Variants in BCL11A observed in about 807,000 individuals in gnomAD.
BCL11A encodes B cell CLL/lymphoma 11A.
In BCL11A, 2 loss-of-function variants were observed where a neutral mutation model predicts 55.9. That is an observed-to-expected ratio of 0.04 (90% confidence interval 0.01 to 0.11). The LOEUF (loss-of-function observed/expected upper bound fraction) is 0.11, where lower values mean the gene tolerates loss of function less well. Ranked by LOEUF, BCL11A falls within the 10% of genes least tolerant of loss-of-function variation. The pLI is 1.00. For synonymous variants in BCL11A, 465 were observed against 473.4 expected (o/e 0.98, Z 0.23); for missense variants, 817 against 1,137.1 (o/e 0.72, Z 4.05).
chr2:60,490,550 C>T (rs1182365033), intron 2 of BCL11A, among the ~76,000 whole-genome samples: 1 of 152,208 alleles, frequency 6.6e-6, no homozygotes, highest in Non-Finnish European at 1.5e-5. Context: ...CAATGAAGGT[C>T]TACCTAGTCA....
chr2:60,453,428 G>A (rs756985266), downstream of BCL11A, among the ~76,000 whole-genome samples: 8 of 152,208 alleles, frequency 5.3e-5, no homozygotes, highest in Non-Finnish European at 1.0e-4. Flanking sequence ...TCCAGGCCTC[G>A]TTGCCATGGC....
At chr2:60,508,300 T>C (rs1466396712) in intron 2 of BCL11A, among the ~76,000 whole-genome samples, 1 of 152,070 alleles carries the variant, frequency 6.6e-6, no homozygotes, top group Non-Finnish European at 1.5e-5. Flanking sequence ...AGGGAAGGCC[T>C]GATGTGAAAG....
intron 2 of BCL11A, among the ~76,000 whole-genome samples, chr2:60,524,237 C>T (rs1011019327): frequency 6.6e-6 from 1 of 152,204 alleles, no homozygotes. Flanking sequence ...GATACATTTG[C>T]ACAACACAAT....
intron 2 of BCL11A, among the ~76,000 whole-genome samples, chr2:60,507,675 C>T (rs541298606): frequency 6.6e-6 from 1 of 152,156 alleles, no homozygotes; most frequent in South Asian, 2.1e-4. Flanking sequence ...AAGTCGGCTA[C>T]TGCTTCTAAG....
At chr2:60,514,240 C>T (rs2104506148) in intron 2 of BCL11A, among the ~76,000 whole-genome samples, 1 of 152,262 alleles carries the variant, frequency 6.6e-6, no homozygotes, top group Middle Eastern at 3.4e-3. Context: ...AGAAGGGCCA[C>T]AACTGAACTA....
intron 3 of BCL11A, among the ~76,000 whole-genome samples, chr2:60,468,259 T>C (rs969276100): frequency 2.6e-5 from 4 of 152,148 alleles, no homozygotes; most frequent in African/African-American, 9.7e-5. Context: ...ATACAACATA[T>C]ACTATGTTCA....
chr2:60,457,521 C>G lies in BCL11A; in HGVS notation c.*2883G>C. ...CTTTCATTACAGGAATAGAAAAGGCCAATAACAAAATATTCTGCATTGCCA... is the reference window on the plus strand; with the variant it reads ...CTTTCATTACAGGAATAGAAAAGGCGAATAACAAAATATTCTGCATTGCCA... On this transcript the variant is annotated 3_prime_UTR_variant, in exon 4 of 4. Transcript: ENST00000642384. 5 of 1,046,160 alleles carry G rather than the reference C, an allele frequency of 4.8e-6. No individual in the cohort carries two copies. Among genetic ancestry groups the G allele is most frequent in the Non-Finnish European group, 5.8e-6 (5 of 866,890 alleles). 64.8% of individuals were successfully genotyped at this position (1,046,160 alleles called of 1,614,324 possible).
intron 3 of BCL11A, among the ~76,000 whole-genome samples, chr2:60,464,867 C>T (rs1676510201): frequency 6.6e-6 from 1 of 152,200 alleles, no homozygotes; most frequent in Non-Finnish European, 1.5e-5. Flanking sequence ...CTCTCTCATA[C>T]ATCAGGTCAG....
At chr2:60,487,352 C>G (rs1326602899) in intron 2 of BCL11A, among the ~76,000 whole-genome samples, 1 of 152,146 alleles carries the variant, frequency 6.6e-6, no homozygotes, top group Admixed American at 6.5e-5. Flanking sequence ...TGCCACACAC[C>G]GAGAGTGGAA....
chr2:60,540,242 T>C (rs1434434812), intron 2 of BCL11A, among the ~76,000 whole-genome samples: 1 of 152,172 alleles, frequency 6.6e-6, no homozygotes, highest in Non-Finnish European at 1.5e-5. Flanking sequence ...AATCTCATGC[T>C]AAAAAAGTGG....
At position 60,546,261 on chromosome 2, in the gene BCL11A, T is replaced by A. The variant is rs1471350226; in HGVS notation, c.95A>T (p.Asp32Val). 1.9e-6 allele frequency: 3 copies of A among 1,614,048 alleles called. No homozygotes were observed. In the African/African-American group the frequency reaches 4.0e-5, roughly 22 times the overall value. ...TTCTGGAGCTCCCAACGGGCCGTGGTCTGGTTCATCATCTGTAAGAATGGC... is the reference window on the plus strand; with the variant it reads ...TTCTGGAGCTCCCAACGGGCCGTGGACTGGTTCATCATCTGTAAGAATGGC... ...LEAILTDDEPDHGPLGAPEGD... is the reference protein window; with the variant it reads ...LEAILTDDEPVHGPLGAPEGD... Residue 32 changes from aspartate to valine, a missense_variant, in exon 2 of 4, where the codon GAC (aspartate) becomes GTC (valine). By Grantham distance (152) the Asp-to-Val change is radical (BLOSUM62 -3). Around this residue, in one of 4 missense-constraint regions of BCL11A, gnomAD observed 363 missense variants for 486.6 expected, o/e 0.75. Coordinates refer to ENST00000642384, the MANE Select transcript of BCL11A (RefSeq NM_022893.4). This position sits in a 1 kb window ranked among gnomAD's most constrained non-coding sequence, Gnocchi z 4.1.
At position 60,461,501 on chromosome 2, in the gene BCL11A, T is replaced by C. The variant is rs749590115; in HGVS notation, c.1411A>G (p.Lys471Glu). ...ATCAGGTTGGGGTCGTTCTCGCTCT[T>C]GAACTTGGCCACCACGGACTTGAGC... ...SALKSVVAKF[K>E]SENDPNLIPE... is the part of the protein sequence containing the mutation. Residue 471 changes from lysine to glutamate, a missense_variant, in exon 4 of 4, where the codon AAG (lysine) becomes GAG (glutamate). Lys to Glu is a moderately conservative substitution (Grantham distance 56, BLOSUM62 1). Transcript: ENST00000642384. 2.5e-6 allele frequency: 4 copies of C among 1,606,352 alleles called. No individual in the cohort carries two copies. Among genetic ancestry groups the C allele is most frequent in the Non-Finnish European group, 3.4e-6 (4 of 1,179,938 alleles).
intron 2 of BCL11A, among the ~76,000 whole-genome samples, chr2:60,480,073 G>A (rs1382701071): frequency 6.6e-6 from 1 of 152,170 alleles, no homozygotes; most frequent in East Asian, 1.9e-4. Flanking sequence ...AGCAAGCTGT[G>A]GACTTCCCCG....
At chr2:60,512,406 T>C (rs1680035374) in intron 2 of BCL11A, among the ~76,000 whole-genome samples, 1 of 152,184 alleles carries the variant, frequency 6.6e-6, no homozygotes, top group Non-Finnish European at 1.5e-5. Context: ...CATCTTGCTC[T>C]CAGGTATAAA....
At chr2:60,463,020 T>C (rs1676400797) in intron 3 of BCL11A, among the ~76,000 whole-genome samples, 1 of 152,252 alleles carries the variant, frequency 6.6e-6, no homozygotes, top group African/African-American at 2.4e-5. Context: ...TAATTGTTGA[T>C]ATTGTTAAAA....
intron 2 of BCL11A, among the ~76,000 whole-genome samples, chr2:60,483,791 G>C (rs1018143534): frequency 1.3e-5 from 2 of 152,122 alleles, no homozygotes; most frequent in Admixed American, 6.6e-5. Context: ...ACTAGAAGGA[G>C]GATTTCTTTT....
rs1291717699 is a variant in BCL11A at position 60,458,175 on chromosome 2, G to GA, written c.*2228dup. ...ATTCAAATACCATTCTAGAAATACA[G>GA]AAAAAAGACCATAAATGTATTTTAG... is the stretch of plus-strand genomic sequence containing the variant. On this transcript the variant is annotated 3_prime_UTR_variant, in exon 4 of 4. Coordinates refer to ENST00000642384, the MANE Select transcript of BCL11A (RefSeq NM_022893.4). 2 of 1,023,090 alleles carry GA rather than the reference G, an allele frequency of 2.0e-6. No individual in the cohort carries two copies. The highest frequency in any genetic ancestry group is 2.3e-6 in the Non-Finnish European group (2 of 852,194). 63.4% of individuals were successfully genotyped at this position (1,023,090 alleles called of 1,614,324 possible). A position where few individuals can be genotyped will look rare whatever the true frequency, so the allele number is the denominator to read the frequency against.
chr2:60,473,041 ATG>A lies in BCL11A; in HGVS notation c.386-4210_386-4209del, dbSNP rs566825047. ...TATGTGTGTTAGCGTGTGCATGCATATGTGTTTGTGAGCATGTGCATGTGTGT... is the reference window on the plus strand; with the variant it reads ...TATGTGTGTTAGCGTGTGCATGCATATGTTTGTGAGCATGTGCATGTGTGT... On this transcript the variant is annotated intron_variant, in intron 2 of 3. Transcript: ENST00000642384. 5.7e-3 allele frequency among the ~76,000 whole-genome samples: 745 copies of A among 131,082 alleles called. 3 individuals are homozygous for A. Among genetic ancestry groups the A allele is most frequent in the Middle Eastern group, 0.013 (3 of 240 alleles). 86.0% of individuals were successfully genotyped at this position (131,082 alleles called of 152,430 possible).
chr2:60,456,659 A>G (rs1328726664), downstream of BCL11A, among the ~76,000 whole-genome samples: 1 of 152,128 alleles, frequency 6.6e-6, no homozygotes, highest in African/African-American at 2.4e-5. Flanking sequence ...AAACAAAACA[A>G]AACCTGATGC....
Sources: gnomAD v4.1 joint callset for allele counts (sites outside exome capture counted in the v4.1 genomes callset) on GRCh38, gnomAD v4.1.1 for gene constraint, gnomAD v4.1.1 regional missense constraint, Gnocchi (gnomAD v3.1) non-coding constraint, MANE v1.5 for transcripts, NCBI Gene and HGNC (gene_info 2026-07-23, HGNC 2026-07-21) for gene names.